NPAS3: variants seen among roughly 807,000 people sequenced by gnomAD.
NPAS3 encodes the protein neuronal PAS domain-containing protein 3.
A neutral mutation model predicts 73.1 loss-of-function variants in NPAS3; 14 were observed. That is an observed-to-expected ratio of 0.19 (90% CI 0.13 to 0.30). The LOEUF is 0.30. NPAS3 is among the 10% of genes least tolerant of loss of function. NPAS3 has a pLI of 1.00. For synonymous variants in NPAS3, 620 were observed against 541.5 expected (o/e 1.14, Z -2.01); for missense variants, 1,096 against 1,250.0 (o/e 0.88, Z 1.86).
At chr14:33,751,453 T>C (rs559441401) in intron 7 of NPAS3, among the ~76,000 whole-genome samples, 52 of 151,906 alleles carry the variant, frequency 3.4e-4, no homozygotes, top group African/African-American at 1.2e-3. Context: ...AACCAGTAAC[T>C]CAAGGGAAAA....
At chr14:33,541,085 G>T (rs2054489788) in intron 4 of NPAS3, among the ~76,000 whole-genome samples, 1 of 138,490 alleles carries the variant, frequency 7.2e-6, no homozygotes, top group Admixed American at 7.6e-5. Flanking sequence ...TATTGTTGGG[G>T]TATGTTTAGA....
rs1595221176 is a variant in NPAS3, at chr14:33,588,961, T to G, written c.558+28751T>G. ...ATTAAGCTCACAAGGTGAATCAGAA[T>G]AGCTGAGGGAACACTGTCTTGTTTC... is the stretch of plus-strand genomic sequence containing the variant. On this transcript the variant is annotated intron_variant, in intron 5 of 11. Coordinates refer to ENST00000356141, the Ensembl canonical transcript of NPAS3. Among the ~76,000 whole-genome samples the G allele has an allele frequency of 2.6e-5, 4 of 152,272 alleles. No individual in the cohort carries two copies. In the South Asian group the frequency reaches 8.3e-4, roughly 32 times the overall value.
intron 3 of NPAS3, among the ~76,000 whole-genome samples, chr14:33,297,116 A>T (rs939325127): frequency 6.6e-5 from 10 of 152,208 alleles, no homozygotes; most frequent in African/African-American, 2.4e-4. Flanking sequence ...GAATGGAGCG[A>T]TACTGCCTAT....
At chr14:33,613,982 A>G (rs554162638) in intron 5 of NPAS3, among the ~76,000 whole-genome samples, 24 of 152,286 alleles carry the variant, frequency 1.6e-4, no homozygotes, top group African/African-American at 5.1e-4. Flanking sequence ...CATGTCCCCC[A>G]TAATAGTCAT....
At chr14:33,583,822 T>C (rs2056766943) in intron 5 of NPAS3, among the ~76,000 whole-genome samples, 1 of 152,226 alleles carries the variant, frequency 6.6e-6, no homozygotes, top group South Asian at 2.1e-4. Flanking sequence ...ACTTCATGCT[T>C]GTTCCAGATG....
intron 5 of NPAS3, among the ~76,000 whole-genome samples, chr14:33,639,776 A>AT (rs549438986): frequency 2.0e-4 from 31 of 152,330 alleles, no homozygotes; most frequent in Non-Finnish European, 3.4e-4. Flanking sequence ...GAAAGTAGGC[A>AT]TTTAAAAGAG....
At chr14:33,590,362 T>C (rs886545747) in intron 5 of NPAS3, among the ~76,000 whole-genome samples, 4 of 152,158 alleles carry the variant, frequency 2.6e-5, no homozygotes, top group Non-Finnish European at 5.9e-5. Context: ...ATATAATACT[T>C]ACTGCTAGAT....
intron 6 of NPAS3, among the ~76,000 whole-genome samples, chr14:33,698,140 G>A (rs1217825155): frequency 6.6e-6 from 1 of 152,156 alleles, no homozygotes; most frequent in Non-Finnish European, 1.5e-5. Context: ...TTCTGGTGAG[G>A]CACTGACAGT....
intron 5 of NPAS3, among the ~76,000 whole-genome samples, chr14:33,611,404 C>T (rs2057743468): frequency 1.3e-5 from 2 of 152,062 alleles, no homozygotes; most frequent in African/African-American, 4.8e-5. Context: ...TGGATGACAA[C>T]ATCTGAATCT....
Position 33,023,338 on chromosome 14 carries a change from A to G in NPAS3, c.51-32567A>G, listed in dbSNP as rs750786468. Reference sequence around the variant, plus strand: ...AATGTTAACCTTACACTTGGATTCAATGCTGACCCATGACATCACTTTTGG... The same window carrying G: ...AATGTTAACCTTACACTTGGATTCAGTGCTGACCCATGACATCACTTTTGG... On this transcript the variant is annotated intron_variant, in intron 1 of 11. Transcript: ENST00000356141. Among the ~76,000 whole-genome samples, 5 of 152,322 alleles carry G rather than the reference A, an allele frequency of 3.3e-5. No homozygotes were observed. In the South Asian group the frequency reaches 8.3e-4, roughly 25 times the overall value.
intron 5 of NPAS3, among the ~76,000 whole-genome samples, chr14:33,671,742 C>T (rs2059616076): frequency 6.6e-6 from 1 of 152,114 alleles, no homozygotes. Flanking sequence ...AAAGTTAGAC[C>T]AAGTGGGTGA....
At position 33,353,428 on chromosome 14, in the gene NPAS3, T is replaced by TAA. The variant is rs2045175060; in HGVS notation, c.386-13757_386-13756dup. 2.6e-5 allele frequency among the ~76,000 whole-genome samples: 4 copies of TAA among 152,344 alleles called. No individual in the cohort carries two copies. In the South Asian group the frequency reaches 8.3e-4, roughly 32 times the overall value. Reference sequence around the variant, plus strand: ...TAGGGACTCCAAAAGCAATTCCAAGTAACTCCTCTATTTATGACATTTGGA... The same window carrying TAA: ...TAGGGACTCCAAAAGCAATTCCAAGTAAAACTCCTCTATTTATGACATTTGGA... On this transcript the variant is annotated intron_variant, in intron 3 of 11. Transcript: ENST00000356141.
At chr14:33,743,046 A>G (rs2061693713) in intron 7 of NPAS3, among the ~76,000 whole-genome samples, 1 of 149,520 alleles carries the variant, frequency 6.7e-6, no homozygotes, top group Non-Finnish European at 1.5e-5. Context: ...TGAGCACCTC[A>G]AAGTCATCCA....
chr14:33,716,752 G>A (rs1006793607), intron 6 of NPAS3, among the ~76,000 whole-genome samples: 57 of 151,992 alleles, frequency 3.8e-4, no homozygotes, highest in African/African-American at 1.3e-3. Context: ...TTTCCTGGTC[G>A]TTGTGCCCCT....
intron 4 of NPAS3, among the ~76,000 whole-genome samples, chr14:33,440,663 C>A (rs371361596): frequency 4.6e-5 from 7 of 152,106 alleles, no homozygotes; most frequent in African/African-American, 1.4e-4. Flanking sequence ...GAGGCTGAGG[C>A]GGGTGGATCA....
At chr14:33,728,064 C>T (rs1438381797) in intron 6 of NPAS3, among the ~76,000 whole-genome samples, 1 of 152,190 alleles carries the variant, frequency 6.6e-6, no homozygotes, top group African/African-American at 2.4e-5. Context: ...TTGACTCTGA[C>T]ACTGTGTATA....
At position 33,359,474 on chromosome 14, in the gene NPAS3, C is replaced by T. The variant is rs1431462337; in HGVS notation, c.386-7712C>T. 2.0e-5 allele frequency among the ~76,000 whole-genome samples: 3 copies of T among 152,150 alleles called. No homozygotes were observed. In the East Asian group the frequency reaches 5.8e-4, roughly 29 times the overall value. On this transcript the variant is annotated intron_variant, in intron 3 of 11. Transcript: ENST00000356141. ...GACACTGCACTATTTCAGTGGTAAT[C>T]TCCACCCCCTTCCTACTGGGTGGAA...
chr14:33,571,361 C>T (rs1220200408), intron 5 of NPAS3, among the ~76,000 whole-genome samples: 1 of 152,098 alleles, frequency 6.6e-6, no homozygotes, highest in Non-Finnish European at 1.5e-5. Flanking sequence ...TTCGTAAGCA[C>T]TGGGGTAGGG....
At chr14:33,605,910 A>G (rs57455591) in intron 5 of NPAS3, among the ~76,000 whole-genome samples, 3,149 of 152,242 alleles carry the variant, frequency 0.021, 114 homozygotes, top group African/African-American at 0.072. Flanking sequence ...TAGCATAGCC[A>G]AAACAATTTA....
Sources: allele counts gnomAD v4.1 joint callset (sites outside exome capture counted in the v4.1 genomes callset), GRCh38; gene constraint gnomAD v4.1.1; transcripts MANE v1.5; gene names NCBI Gene and HGNC (gene_info 2026-07-23, HGNC 2026-07-21).